The following FIG4 variants were observed in gnomAD, a reference collection of about 807,000 sequenced individuals.
The protein encoded by FIG4 is FIG4 phosphoinositide 5-phosphatase, also known as polyphosphoinositide phosphatase.
FIG4 carries 112 observed loss-of-function variants against 118.6 expected under a neutral mutation model. The observed-to-expected ratio is 0.94, with a 90% CI of 0.81 to 1.11. The LOEUF is 1.11. FIG4 is among the 50% of genes least tolerant of loss of function. The pLI, the probability that FIG4 is intolerant of heterozygous loss-of-function variation, is 0.00. For synonymous variants in FIG4, 369 were observed against 381.2 expected, an observed-to-expected ratio of 0.97 and a Z score of 0.37; for missense variants, 969 against 1,111.7, an observed-to-expected ratio of 0.87 and a Z score of 1.83.
At chr6:109,709,053 T>TG (rs1157365997) in intron 1 of FIG4, among the ~76,000 whole-genome samples, 79 of 152,346 alleles carry the variant, frequency 5.2e-4, no homozygotes. Flanking sequence ...ATGTCCTGAA[T>TG]GGTATTGCCT....
chr6:109,788,154 A>G (rs564907018), intron 18 of FIG4, among the ~76,000 whole-genome samples: 7 of 152,196 alleles, frequency 4.6e-5, no homozygotes, highest in South Asian at 2.1e-4. Context: ...GGTGTACTAA[A>G]TACATATTCA....
chr6:109,752,538 G>A (rs1371730075), intron 10 of FIG4, among the ~76,000 whole-genome samples: 1 of 152,088 alleles, frequency 6.6e-6, no homozygotes, highest in East Asian at 1.9e-4. Flanking sequence ...ATTCTAACTG[G>A]TGTGAGATGG....
Position 109,785,005 on chromosome 6 carries a change from A to G in FIG4, c.1925A>G (p.His642Arg), listed in dbSNP as rs1777911372. 1 of 1,573,792 alleles carries G rather than the reference A, an allele frequency of 6.4e-7. No homozygotes were observed. The highest frequency in any genetic ancestry group is 1.1e-5 in the South Asian group (1 of 90,324). Residue 642 changes from histidine to arginine, a missense_variant, in exon 17 of 23, where the codon CAT becomes CGT. Around this residue, in one of 3 missense-constraint regions of FIG4, gnomAD observed 330 missense variants for 348.1 expected, o/e 0.95. Transcript: ENST00000230124. The stretch of plus-strand genomic sequence containing the variant: ...TGGTGGACACCAGAGGTGATAAAGC[A>G]TTTACCATTGCCCTATGATGAAGGT... ...TYWWTPEVIK[H>R]LPLPYDEVIC... is the part of the protein sequence containing the mutation.
At chr6:109,778,687 C>T (rs1221506540) in intron 16 of FIG4, among the ~76,000 whole-genome samples, 3 of 152,070 alleles carry the variant, frequency 2.0e-5, no homozygotes, top group African/African-American at 7.2e-5. Flanking sequence ...CAAGCTCTGC[C>T]TCCCGGGTTC....
chr6:109,708,589 T>G (rs1053292947), intron 1 of FIG4, among the ~76,000 whole-genome samples: 5 of 152,214 alleles, frequency 3.3e-5, no homozygotes, highest in African/African-American at 1.2e-4. Context: ...CTGCTAACAG[T>G]GTATAAGTGT....
chr6:109,724,089 TTTG>T (rs1418149596), intron 3 of FIG4, among the ~76,000 whole-genome samples: 1 of 152,126 alleles, frequency 6.6e-6, no homozygotes, highest in East Asian at 1.9e-4. Flanking sequence ...TCCATTGGTT[TTTG>T]TTGTTGTTGT....
rs150986068 is a variant in FIG4 at position 109,816,590 on chromosome 6, A to G, written c.2547-8498A>G. On this transcript the variant is annotated intron_variant, in intron 22 of 22. Transcript: ENST00000230124. ...AGGTGTTAATAAGACAGGAAATTGT[A>G]TCCTGCACAGACCCAGTGCTGTGTG... is the stretch of plus-strand genomic sequence containing the variant. 3.5e-3 allele frequency among the ~76,000 whole-genome samples: 537 copies of G among 152,334 alleles called. 6 individuals are homozygous for G. Among genetic ancestry groups the G allele is most frequent in the Admixed American group, 0.02 (308 of 15,296 alleles).
At chr6:109,778,994 A>T (rs957690606) in intron 16 of FIG4, among the ~76,000 whole-genome samples, 2 of 152,158 alleles carry the variant, frequency 1.3e-5, no homozygotes, top group African/African-American at 4.8e-5. Context: ...TATTCTTATC[A>T]ATGCATATTA....
intron 22 of FIG4, among the ~76,000 whole-genome samples, chr6:109,804,527 G>A (rs571328253): frequency 6.6e-6 from 1 of 152,244 alleles, no homozygotes; most frequent in African/African-American, 2.4e-5. Flanking sequence ...TAGTCACACT[G>A]CCCTTTGCAT....
chr6:109,693,643 C>G (rs1774619813), intron 1 of FIG4, among the ~76,000 whole-genome samples: 2 of 152,080 alleles, frequency 1.3e-5, no homozygotes, highest in Non-Finnish European at 2.9e-5. Context: ...AGAGTACTGC[C>G]AAAAACAGTG....
chr6:109,754,013 G>A (rs1430914247), intron 10 of FIG4, among the ~76,000 whole-genome samples: 1 of 152,160 alleles, frequency 6.6e-6, no homozygotes, highest in Non-Finnish European at 1.5e-5. Flanking sequence ...TCCCTGTCTT[G>A]TGCCAGTTTT....
chr6:109,808,917 G>A (rs1778645809), intron 22 of FIG4, among the ~76,000 whole-genome samples: 1 of 151,966 alleles, frequency 6.6e-6, no homozygotes, highest in African/African-American at 2.4e-5. Flanking sequence ...TTACCATTTA[G>A]AAGATCTTCA....
chr6:109,761,911 T>A (rs1014309283), intron 11 of FIG4, among the ~76,000 whole-genome samples, 180 bp from the exon 12 acceptor site: 14 of 152,210 alleles, frequency 9.2e-5, no homozygotes, highest in African/African-American at 3.1e-4. Flanking sequence ...ATGTTGCTGG[T>A]TACTGAGTAC....
chr6:109,783,226 A>G (rs927079076), intron 16 of FIG4, among the ~76,000 whole-genome samples: 2 of 152,240 alleles, frequency 1.3e-5, no homozygotes, highest in Non-Finnish European at 2.9e-5. Flanking sequence ...ACATTTACCT[A>G]TGTAACAAAC....
At chr6:109,799,376 G>A (rs1460691134) in intron 22 of FIG4, among the ~76,000 whole-genome samples, 1 of 152,174 alleles carries the variant, frequency 6.6e-6, no homozygotes, top group East Asian at 1.9e-4. Context: ...GTGTGTGTGT[G>A]CACGCACGTG....
At chr6:109,770,347 G>C (rs186622183) in intron 15 of FIG4, among the ~76,000 whole-genome samples, 1 of 146,324 alleles carries the variant, frequency 6.8e-6, no homozygotes, top group Non-Finnish European at 1.5e-5. Flanking sequence ...CTGTATATAC[G>C]TGTGTGTGTG....
intron 22 of FIG4, among the ~76,000 whole-genome samples, chr6:109,822,619 A>G (rs1201863463): frequency 6.6e-6 from 1 of 151,836 alleles, no homozygotes; most frequent in Non-Finnish European, 1.5e-5. Context: ...TAGGGGTTAC[A>G]GTATGTTATC....
chr6:109,691,365 T>C lies in FIG4; in HGVS notation c.-71T>C, dbSNP rs1583610799. ...GACTTGATGTCCAGGGCCTGAGGGGTTTTCTCGCCGAGTCTCCTGGGGCGG... is the reference window on the plus strand; with the variant it reads ...GACTTGATGTCCAGGGCCTGAGGGGCTTTCTCGCCGAGTCTCCTGGGGCGG... On this transcript the variant is annotated 5_prime_UTR_variant, in exon 1 of 23. Transcript: ENST00000230124. 2 of 1,304,930 alleles carry C rather than the reference T, an allele frequency of 1.5e-6. No homozygotes were observed. Among genetic ancestry groups the C allele is most frequent in the Non-Finnish European group, 2.2e-6 (2 of 922,888 alleles). 80.8% of individuals were successfully genotyped at this position (1,304,930 alleles called of 1,614,324 possible).
chr6:109,691,442 A>T lies in FIG4; in HGVS notation c.7A>T (p.Thr3Ser), dbSNP rs1431021720. The change falls in exon 1 of 23, where the codon ACG becomes TCG. Residue 3 changes from threonine to serine, a missense_variant. Coordinates refer to ENST00000230124, the MANE Select transcript of FIG4 (RefSeq NM_014845.6). MP[T>S]AAAPIISSVQ... Reference sequence around the variant, plus strand: ...GCCCCCATTTGCCGCCGCCATGCCCACGGCCGCCGCCCCCATCATCAGCTC... The same window carrying T: ...GCCCCCATTTGCCGCCGCCATGCCCTCGGCCGCCGCCCCCATCATCAGCTC... 1.3e-6 allele frequency: 2 copies of T among 1,580,484 alleles called. No individual in the cohort carries two copies. The highest frequency in any genetic ancestry group is 1.2e-5 in the South Asian group (1 of 86,482).
Sources: allele counts gnomAD v4.1 joint callset (sites outside exome capture counted in the v4.1 genomes callset), GRCh38; gene constraint gnomAD v4.1.1; regional missense constraint gnomAD v4.1.1; transcripts MANE v1.5; gene names NCBI Gene and HGNC (gene_info 2026-07-23, HGNC 2026-07-21).